Variants in TSHZ3 observed in about 807,000 individuals in gnomAD.
The protein encoded by TSHZ3 is teashirt zinc finger homeobox 3.
Under a neutral mutation model 64.5 loss-of-function variants are expected in TSHZ3, and 10 were observed. That is an observed-to-expected ratio of 0.16 (90% CI 0.10 to 0.26). The LOEUF (loss-of-function observed/expected upper bound fraction) is 0.26, where lower values mean the gene tolerates loss of function less well. Ranked by LOEUF, TSHZ3 falls within the 10% of genes least tolerant of loss-of-function variation. TSHZ3 has a pLI of 1.00. For missense variants in TSHZ3, 1,242 were observed against 1,421.7 expected, an observed-to-expected ratio of 0.87 and a Z score of 2.03; for synonymous variants, 608 against 593.1, an observed-to-expected ratio of 1.03 and a Z score of -0.36.
intron 5 of TSHZ3, among the ~76,000 whole-genome samples, chr19:31,193,565 C>G (rs1205959912): frequency 1.3e-5 from 2 of 152,204 alleles, no homozygotes; most frequent in Admixed American, 6.5e-5. Context: ...GCATGTTATA[C>G]TTACTAGTTG....
chr19:31,255,028 C>G (rs1437707718), intron 1 of TSHZ3, among the ~76,000 whole-genome samples: 1 of 152,144 alleles, frequency 6.6e-6, no homozygotes, highest in Non-Finnish European at 1.5e-5. Flanking sequence ...ATCCTCCTAG[C>G]TAGAGGAGAG....
chr19:31,279,332 C>T lies in TSHZ3; in HGVS notation c.461G>A (p.Ser154Asn). The T allele has an allele frequency of 1.9e-6, 3 of 1,588,574 alleles. No individual in the cohort carries two copies. The highest frequency in any genetic ancestry group is 2.6e-6 in the Non-Finnish European group (3 of 1,158,704). Residue 154 changes from serine to asparagine, a missense_variant, in exon 2 of 2, where the codon AGT becomes AAT. Physicochemically the swap from Ser to Asn is conservative, Grantham distance 46. Transcript: ENST00000240587. The surrounding 1 kb of genome is among the most constrained non-coding windows in gnomAD (Gnocchi z 6.4). ...EKNNGSSSSSSSSSSSCGSGS... is the reference protein window; with the variant it reads ...EKNNGSSSSSNSSSSSCGSGS... ...GCTGCCACAGCTGCTGCTGCTGCTA[C>T]TGCTGCTGCTGCTGCTGCCGTTGTT...
intron 1 of TSHZ3, among the ~76,000 whole-genome samples, chr19:31,261,775 A>G (rs1241532858): frequency 2.6e-5 from 4 of 152,078 alleles, no homozygotes; most frequent in African/African-American, 9.7e-5. Context: ...TTCTTGTTCT[A>G]TCACCTCTTG....
At chr19:31,343,280 C>T (rs1415869517) in intron 1 of TSHZ3, among the ~76,000 whole-genome samples, 1 of 152,166 alleles carries the variant, frequency 6.6e-6, no homozygotes, top group African/African-American at 2.4e-5. Flanking sequence ...AAGAGCCACA[C>T]CTTTGCATAT....
rs149238324 is a variant in TSHZ3, at chr19:31,303,609, C to T, written c.41-23857G>A. 4.3e-4 allele frequency among the ~76,000 whole-genome samples: 66 copies of T among 152,266 alleles called. No individual in the cohort carries two copies. The East Asian group carries it at 8.0e-3, about 18-fold the overall frequency. Reference sequence around the variant, plus strand: ...AGTCTGGTGGGTGCTGGTACAGGCTCTCATGCCCCGACCCCGCCCCATCTT... The same window carrying T: ...AGTCTGGTGGGTGCTGGTACAGGCTTTCATGCCCCGACCCCGCCCCATCTT... On this transcript the variant is annotated intron_variant, in intron 1 of 1. Coordinates refer to ENST00000240587, the MANE Select transcript of TSHZ3 (RefSeq NM_020856.4).
At chr19:31,194,068 C>G (rs116460998) in intron 5 of TSHZ3, among the ~76,000 whole-genome samples, 1,549 of 91,254 alleles carry the variant, frequency 0.017, 27 homozygotes, top group African/African-American at 0.063. Flanking sequence ...TACAGAGAAT[C>G]ACAACTTACT....
chr19:31,339,371 C>T (rs183080884), intron 1 of TSHZ3, among the ~76,000 whole-genome samples: 55 of 152,200 alleles, frequency 3.6e-4, no homozygotes, highest in Admixed American at 5.2e-4. Context: ...CCACCCGCCA[C>T]GCCACGCACC....
intron 1 of TSHZ3, among the ~76,000 whole-genome samples, chr19:31,298,021 C>T (rs1295917633): frequency 1.3e-5 from 2 of 152,280 alleles, no homozygotes; most frequent in East Asian, 3.9e-4. Context: ...ACCTCGGGCG[C>T]AGGGATAGAG....
chr19:31,214,557 G>A (rs1975301113), intron 4 of TSHZ3, among the ~76,000 whole-genome samples: 3 of 152,188 alleles, frequency 2.0e-5, no homozygotes, highest in Non-Finnish European at 2.9e-5. Context: ...AGTTGACTGA[G>A]ACTTATCACT....
At chr19:31,257,332 C>T (rs1975924178) in intron 1 of TSHZ3, among the ~76,000 whole-genome samples, 1 of 152,200 alleles carries the variant, frequency 6.6e-6, no homozygotes, top group Non-Finnish European at 1.5e-5. Context: ...CTGAGCGACT[C>T]TCATTCCCTT....
chr19:31,154,803 G>T (rs1555721134), intron 6 of TSHZ3, among the ~76,000 whole-genome samples: 1 of 152,004 alleles, frequency 6.6e-6, no homozygotes, highest in Non-Finnish European at 1.5e-5. Context: ...CTGAAGTCTG[G>T]TTTTTTAGCC....
Position 31,335,377 on chromosome 19 carries a change from C to T in TSHZ3, c.40+13803G>A, listed in dbSNP as rs574344716. ...CCCACTTCCAAATGGCCAGGTCTCA[C>T]GGAAGACAGGAGGGCCTCCTCCCCT... On this transcript the variant is annotated intron_variant, in intron 1 of 1. Coordinates refer to ENST00000240587, the MANE Select transcript of TSHZ3 (RefSeq NM_020856.4). Among the ~76,000 whole-genome samples, 13 of 152,308 alleles carry T rather than the reference C, an allele frequency of 8.5e-5. No individual in the cohort carries two copies. The East Asian group carries it at 2.1e-3, about 25-fold the overall frequency.
intron 4 of TSHZ3, among the ~76,000 whole-genome samples, chr19:31,227,969 C>G (rs961251400): frequency 6.6e-6 from 1 of 152,164 alleles, no homozygotes; most frequent in East Asian, 1.9e-4. Context: ...TCCATCCACA[C>G]GGACCCCCAA....
chr19:31,257,587 G>A (rs1273078804), intron 1 of TSHZ3, among the ~76,000 whole-genome samples: 1 of 152,184 alleles, frequency 6.6e-6, no homozygotes, highest in Admixed American at 6.5e-5. Context: ...GAGAAGGAAG[G>A]CTCCTCCGCT....
chr19:31,200,369 T>C (rs1050339043), intron 5 of TSHZ3, among the ~76,000 whole-genome samples: 6 of 152,200 alleles, frequency 3.9e-5, no homozygotes, highest in African/African-American at 1.2e-4. Flanking sequence ...GTCTGGTACA[T>C]CTTGACTTTG....
At chr19:31,228,134 TG>T (rs1382287002) in exon 4 of TSHZ3, among the ~76,000 whole-genome samples, 1 of 152,164 alleles carries the variant, frequency 6.6e-6, no homozygotes, top group African/African-American at 2.4e-5. Flanking sequence ...CATGCTTCAC[TG>T]GGGAGCTGCA....
chr19:31,273,362 G>A (rs889843144), downstream of TSHZ3, among the ~76,000 whole-genome samples: 4 of 152,084 alleles, frequency 2.6e-5, no homozygotes, highest in Non-Finnish European at 5.9e-5. Context: ...GAGAACCTGC[G>A]GCCTACCTTG....
At chr19:31,206,340 A>T (rs779691364) in intron 4 of TSHZ3, among the ~76,000 whole-genome samples, 13 of 151,454 alleles carry the variant, frequency 8.6e-5, no homozygotes, top group Non-Finnish European at 1.5e-4. Context: ...TGGATGAGAG[A>T]ATGGGTGGAT....
Position 31,278,316 on chromosome 19 carries a change from C to T in TSHZ3, c.1477G>A (p.Glu493Lys), listed in dbSNP as rs150498804. 3.5e-5 allele frequency: 56 copies of T among 1,614,196 alleles called. No individual in the cohort carries two copies. In the African/African-American group the frequency reaches 6.1e-4, roughly 18 times the overall value. ...EKPKQKDKPG[E>K]EEEKCDISSK... ...GAGATGTCACACTTCTCCTCTTCTT[C>T]GCCAGGCTTGTCTTTTTGCTTAGGT... Residue 493 changes from glutamate to lysine, a missense_variant, in exon 2 of 2, where the codon GAA (glutamate) becomes AAA (lysine). Glu to Lys is a moderately conservative substitution (Grantham distance 56). Coordinates refer to ENST00000240587, the MANE Select transcript of TSHZ3 (RefSeq NM_020856.4). The surrounding 1 kb of genome is among the most constrained non-coding windows in gnomAD (Gnocchi z 4.7).
Sources: allele counts gnomAD v4.1 joint callset (sites outside exome capture counted in the v4.1 genomes callset), GRCh38; gene constraint gnomAD v4.1.1; non-coding constraint Gnocchi (gnomAD v3.1); transcripts MANE v1.5; gene names NCBI Gene and HGNC (gene_info 2026-07-23, HGNC 2026-07-21).